Variants in SLC5A10 observed in about 807,000 individuals in gnomAD.
SLC5A10 encodes the protein solute carrier family 5 member 10.
A neutral mutation model predicts 68.9 loss-of-function variants in SLC5A10; 55 were observed. The ratio of observed to expected loss-of-function variants is 0.80; its 90% CI spans 0.64 to 1.00. The LOEUF is 1.00. Ranked by LOEUF, SLC5A10 falls within the 50% of genes least tolerant of loss-of-function variation. The pLI, the probability that SLC5A10 is intolerant of heterozygous loss-of-function variation, is 0.00. For missense variants in SLC5A10, 732 were observed against 819.3 expected (o/e 0.89, Z 1.30); for synonymous variants, 344 against 344.8 (o/e 1.00, Z 0.02).
chr17:18,957,348 G>T (rs78638203), intron 1 of SLC5A10, among the ~76,000 whole-genome samples: 8,743 of 152,160 alleles, frequency 0.057, 842 homozygotes, highest in African/African-American at 0.2. Context: ...TATACTCCCC[G>T]TAAACCAAAG....
intron 5 of SLC5A10, among the ~76,000 whole-genome samples, chr17:18,967,995 T>C (rs1323484604): frequency 1.3e-5 from 2 of 152,010 alleles, no homozygotes; most frequent in African/African-American, 4.8e-5. Context: ...CCAAACTGGC[T>C]GGTCTCTCTA....
chr17:18,992,215 C>T (rs186797558), intron 9 of SLC5A10, among the ~76,000 whole-genome samples: 11 of 152,296 alleles, frequency 7.2e-5, no homozygotes, highest in African/African-American at 2.4e-4. Context: ...CGGCCTTCTC[C>T]ACCCTGCCTT....
At chr17:18,979,472 G>T in intron 9 of SLC5A10, 1 of 1,555,966 alleles carries the variant, frequency 6.4e-7, no homozygotes, top group South Asian at 1.2e-5. Context: ...GAATAACCAG[G>T]GTTAGGATTA....
Position 18,978,821 on chromosome 17 carries a change from C to T in SLC5A10, c.982+1832C>T, listed in dbSNP as rs758338977. The T allele has an allele frequency of 1.4e-5, 23 of 1,612,684 alleles. No individual in the cohort carries two copies. The highest frequency in any genetic ancestry group is 3.3e-5 in the South Asian group (3 of 91,084). On this transcript the variant is annotated intron_variant, in intron 9 of 14. Transcript: ENST00000395645. The stretch of plus-strand genomic sequence containing the variant: ...GCCAGACAGCACAGAGATCACATTC[C>T]GGTCCGTCCGCGCGGCCGACCACGT...
At chr17:19,013,143 A>G (rs1567812838) in intron 9 of SLC5A10, among the ~76,000 whole-genome samples, 1 of 152,246 alleles carries the variant, frequency 6.6e-6, no homozygotes, top group Non-Finnish European at 1.5e-5. Flanking sequence ...GACCTCACAC[A>G]GCAGAGCCAA....
chr17:18,977,510 G>T, intron 9 of SLC5A10: 4 of 1,422,196 alleles, frequency 2.8e-6, no homozygotes, highest in African/African-American at 1.4e-5. Context: ...TAGCCCAGAA[G>T]ACAACAGCTC....
intron 10 of SLC5A10, 104 bp from the exon 11 acceptor site, chr17:19,014,945 C>G (rs28526726): frequency 0.75 from 1,035,964 of 1,372,584 alleles, 415,519 homozygotes; most frequent in Non-Finnish European, 0.84. Context: ...CTTGGAGGAG[C>G]ATGCAAATGG....
chr17:18,993,793 C>A (rs113592762), intron 9 of SLC5A10, among the ~76,000 whole-genome samples: 3 of 152,226 alleles, frequency 2.0e-5, no homozygotes, highest in Admixed American at 2.0e-4. Flanking sequence ...CCGCTGGCTC[C>A]GATCTCAGCT....
chr17:18,978,304 C>A, intron 9 of SLC5A10: 3 of 1,610,980 alleles, frequency 1.9e-6, no homozygotes, highest in Non-Finnish European at 2.5e-6. Context: ...GGGCGCTGGC[C>A]TGGGAGGTGT....
At position 19,021,928 on chromosome 17, in the gene SLC5A10, G is replaced by C; in HGVS notation, c.*1497G>C. On this transcript the variant is annotated 3_prime_UTR_variant, in exon 15 of 15. Coordinates refer to ENST00000395645, the MANE Select transcript of SLC5A10 (RefSeq NM_001042450.4). This position sits in a 1 kb window ranked among gnomAD's most constrained non-coding sequence, Gnocchi z 4.1. Reference sequence around the variant, plus strand: ...CTCTGGACCTCAGTTCCTGTAAAAAGGCCCGTTGGCCAGATCGGCCGCCGG... The same window carrying C: ...CTCTGGACCTCAGTTCCTGTAAAAACGCCCGTTGGCCAGATCGGCCGCCGG... 6.8e-7 allele frequency: 1 copy of C among 1,469,528 alleles called. No individual in the cohort carries two copies. The highest frequency in any genetic ancestry group is 9.0e-7 in the Non-Finnish European group (1 of 1,111,032). The allele number at this position is 1,469,528 out of a possible 1,614,324, so 91.0% of individuals were successfully genotyped here. A position where few individuals can be genotyped will look rare whatever the true frequency, so the allele number is the denominator to read the frequency against.
chr17:19,017,083 T>C lies in SLC5A10; in HGVS notation c.1241+1884T>C, dbSNP rs934585373. On this transcript the variant is annotated intron_variant, in intron 11 of 14. Transcript: ENST00000395645. This position sits in a 1 kb window ranked among gnomAD's most constrained non-coding sequence, Gnocchi z 5.6. ...GCCCTTGACCCTCCTTCCCACCTCT[T>C]CTGCCAAGTCAACCCCCGCCCCTAG... 3.3e-5 allele frequency among the ~76,000 whole-genome samples: 5 copies of C among 152,162 alleles called. No individual in the cohort carries two copies. The highest frequency in any genetic ancestry group is 6.5e-5 in the Admixed American group (1 of 15,282).
At position 19,022,337 on chromosome 17, in the gene SLC5A10, C is replaced by T; in HGVS notation, c.*1906C>T. The T allele has an allele frequency of 2.2e-6, 1 of 451,970 alleles. No individual in the cohort carries two copies. Among genetic ancestry groups the T allele is most frequent in the Non-Finnish European group, 4.0e-6 (1 of 251,244 alleles). 28.0% of individuals were successfully genotyped at this position (451,970 alleles called of 1,614,324 possible). ...TGCTGCCCACACCCCTGCCTGTCTG[C>T]TGTGCAGATGCTGCATCTACATAGA... On this transcript the variant is annotated 3_prime_UTR_variant, in exon 15 of 15. Transcript: ENST00000395645.
At position 18,979,600 on chromosome 17, in the gene SLC5A10, G is replaced by A. The variant is rs1164133883; in HGVS notation, c.982+2611G>A. ...TCCATCCACAAACATGAACTTCTGGGCCAGGGCACCCTTGAACTTGGTTGC... is the reference window on the plus strand; with the variant it reads ...TCCATCCACAAACATGAACTTCTGGACCAGGGCACCCTTGAACTTGGTTGC... On this transcript the variant is annotated intron_variant, in intron 9 of 14. Coordinates refer to ENST00000395645, the MANE Select transcript of SLC5A10 (RefSeq NM_001042450.4). The A allele has an allele frequency of 7.3e-5, 118 of 1,613,434 alleles. No individual in the cohort carries two copies. The highest frequency in any genetic ancestry group is 9.8e-5 in the Non-Finnish European group (116 of 1,180,010).
At position 19,021,789 on chromosome 17, in the gene SLC5A10, T is replaced by A. The variant is rs2044268235; in HGVS notation, c.*1358T>A. On this transcript the variant is annotated 3_prime_UTR_variant, in exon 15 of 15. Coordinates refer to ENST00000395645, the MANE Select transcript of SLC5A10 (RefSeq NM_001042450.4). The surrounding 1 kb of genome is among the most constrained non-coding windows in gnomAD (Gnocchi z 4.1). ...TGCTGGGTACCCTTGCTGGGGGACC[T>A]GGGCCATCCCAGTTTGTGCAGAGCG... 5.2e-6 allele frequency: 3 copies of A among 573,202 alleles called. No homozygotes were observed. Among genetic ancestry groups the A allele is most frequent in the Non-Finnish European group, 7.9e-6 (3 of 378,680 alleles). The allele number at this position is 573,202 out of a possible 1,614,324, so 35.5% of individuals were successfully genotyped here.
chr17:19,021,160 G>A lies in SLC5A10; in HGVS notation c.*729G>A, dbSNP rs1286892548. The stretch of plus-strand genomic sequence containing the variant: ...TGGCCCCAACTTTCTGTCTGCCCTG[G>A]AGGTTTCTCAGCCTCCTGAGAGCTC... On this transcript the variant is annotated 3_prime_UTR_variant, in exon 15 of 15. Transcript: ENST00000395645. This position sits in a 1 kb window ranked among gnomAD's most constrained non-coding sequence, Gnocchi z 4.1. The A allele has an allele frequency of 2.0e-5, 3 of 152,320 alleles. No individual in the cohort carries two copies. Among genetic ancestry groups the A allele is most frequent in the Non-Finnish European group, 4.4e-5 (3 of 68,130 alleles). The allele number at this position is 152,320 out of a possible 1,614,324, so 9.4% of individuals were successfully genotyped here. A position where few individuals can be genotyped will look rare whatever the true frequency, so the allele number is the denominator to read the frequency against.
chr17:18,951,206 G>A (rs1166536285), upstream of SLC5A10, among the ~76,000 whole-genome samples: 1 of 152,226 alleles, frequency 6.6e-6, no homozygotes, highest in Admixed American at 6.5e-5. Context: ...TGAGACTGCC[G>A]GCCAGCCCTG....
At chr17:18,976,198 T>TAAAAAAAAAAAAAAAAA (rs2042976754) in intron 8 of SLC5A10, 1 of 83,856 alleles carries the variant, frequency 1.2e-5, no homozygotes, top group Admixed American at 1.3e-4. Context: ...AAAAAAAAAG[T>TAAAAAAAAAAAAAAAAA]AACTCTTTTG....
intron 9 of SLC5A10, chr17:18,978,835 G>A (rs763303535): frequency 2.5e-5 from 41 of 1,611,866 alleles, no homozygotes; most frequent in Non-Finnish European, 3.1e-5. Context: ...CCGTCCGCGC[G>A]GCCGACCACG....
chr17:19,021,822 G>A lies in SLC5A10; in HGVS notation c.*1391G>A. 2 of 860,642 alleles carry A rather than the reference G, an allele frequency of 2.3e-6. No individual in the cohort carries two copies. Among genetic ancestry groups the A allele is most frequent in the Non-Finnish European group, 3.2e-6 (2 of 631,158 alleles). 53.3% of individuals were successfully genotyped at this position (860,642 alleles called of 1,614,324 possible). A position where few individuals can be genotyped will look rare whatever the true frequency, so the allele number is the denominator to read the frequency against. On this transcript the variant is annotated 3_prime_UTR_variant, in exon 15 of 15. Transcript: ENST00000395645. This position sits in a 1 kb window ranked among gnomAD's most constrained non-coding sequence, Gnocchi z 4.1. ...CCCAGTTTGTGCAGAGCGGCCGGAG[G>A]CAGTTAGGAGCCCACGTTCAGTCCA...
Sources: allele counts gnomAD v4.1 joint callset (sites outside exome capture counted in the v4.1 genomes callset), GRCh38; gene constraint gnomAD v4.1.1; non-coding constraint Gnocchi (gnomAD v3.1); transcripts MANE v1.5; gene names NCBI Gene and HGNC (gene_info 2026-07-23, HGNC 2026-07-21).